The following AHDC1 variants were observed in gnomAD, a reference collection of about 807,000 sequenced individuals.
The protein encoded by AHDC1 is AT-hook DNA binding motif containing 1.
In AHDC1, 7 loss-of-function variants were observed where a neutral mutation model predicts 87.9. The observed-to-expected ratio is 0.08, with a 90% confidence interval of 0.05 to 0.15. AHDC1 has a LOEUF of 0.15. AHDC1 is among the 10% of genes least tolerant of loss of function. The pLI is 1.00. For missense variants in AHDC1, 1,841 were observed against 2,253.2 expected (o/e 0.82, Z 3.70); for synonymous variants, 1,051 against 1,006.8 (o/e 1.04, Z -0.83).
intron 3 of AHDC1, among the ~76,000 whole-genome samples, chr1:27,568,452 T>C (rs1219374834): frequency 6.6e-6 from 1 of 152,092 alleles, no homozygotes; most frequent in Non-Finnish European, 1.5e-5. Context: ...GTCGCTCGCG[T>C]GTTCAGCCTC....
chr1:27,604,213 G>GGACTTGTAGTCCCCGCCCC (rs2089622364), upstream of AHDC1: 1 of 151,354 alleles, frequency 6.6e-6, no homozygotes, highest in Non-Finnish European at 1.5e-5. Context: ...CGGCACGCCG[G>GGACTTGTAGTCCCCGCCCC]GACTTGTAGT....
intron 3 of AHDC1, among the ~76,000 whole-genome samples, chr1:27,584,802 G>A (rs990160497): frequency 1.3e-5 from 2 of 152,088 alleles, no homozygotes; most frequent in African/African-American, 2.4e-5. Context: ...TCTCCCCTTC[G>A]GCCTAGACTA....
In AHDC1 at chr1:27,550,430, C is replaced by A; in HGVS notation, c.1686G>T (p.Lys562Asn). 6.2e-7 allele frequency: 1 copy of A among 1,610,380 alleles called. No individual in the cohort carries two copies. Among genetic ancestry groups the A allele is most frequent in the South Asian group, 1.1e-5 (1 of 90,986 alleles). ...KNLLLGPGKPKEPAVVAAEAA... is the reference protein window; with the variant it reads ...KNLLLGPGKPNEPAVVAAEAA... ...CCTCGGCCGCCACCACAGCTGGCTC[C>A]TTGGGCTTGCCGGGACCCAGCAGCA... The change falls in exon 8 of 9, where the codon AAG becomes AAT. Residue 562 changes from lysine to asparagine, a missense_variant. Transcript: ENST00000673934.
At position 27,591,764 on chromosome 1, in the gene AHDC1, G is replaced by A. The variant is rs769392568; in HGVS notation, c.-629+11633C>T. On this transcript the variant is annotated intron_variant, in intron 3 of 8. Coordinates refer to ENST00000673934, the MANE Select transcript of AHDC1 (RefSeq NM_001371928.1). ...CCAGTAACTTGTTATATGAAGTCCT[G>A]TGCCTTTTCTCAGCCTCAGATTCCC... Among the ~76,000 whole-genome samples the A allele has an allele frequency of 5.3e-5, 8 of 152,210 alleles. 1 individual carries two copies. The highest frequency in any genetic ancestry group is 1.2e-4 in the Non-Finnish European group (8 of 68,028).
At chr1:27,602,619 AG>A (rs879307066) in intron 3 of AHDC1, among the ~76,000 whole-genome samples, 13 of 152,154 alleles carry the variant, frequency 8.5e-5, no homozygotes, top group Non-Finnish European at 1.9e-4. Context: ...CTCCCTGCCT[AG>A]GGGGCTGACA....
In AHDC1 at chr1:27,547,170, C is replaced by T. The variant is rs1372433383; in HGVS notation, c.*43+91G>A. The T allele has an allele frequency of 4.4e-6, 4 of 918,352 alleles. No homozygotes were observed. Among genetic ancestry groups the T allele is most frequent in the Non-Finnish European group, 6.4e-6 (4 of 625,440 alleles). 56.9% of individuals were successfully genotyped at this position (918,352 alleles called of 1,614,324 possible). A position where few individuals can be genotyped will look rare whatever the true frequency, so the allele number is the denominator to read the frequency against. ...TGCCCTTAAATCCTGCATTTGCTTC[C>T]TGCACTCCATACCTCTGTCCTTGCC... On this transcript the variant is annotated intron_variant, in intron 8 of 8. Transcript: ENST00000673934. The surrounding 1 kb of genome is among the most constrained non-coding windows in gnomAD (Gnocchi z 4.9).
chr1:27,581,528 G>A (rs2148440158), intron 3 of AHDC1, among the ~76,000 whole-genome samples: 1 of 152,026 alleles, frequency 6.6e-6, no homozygotes, highest in East Asian at 1.9e-4. Flanking sequence ...CAGATCCAAG[G>A]CCAGAACCCA....
At position 27,550,253 on chromosome 1, in the gene AHDC1, G is replaced by A; in HGVS notation, c.1863C>T (p.Phe621=). Residue 621 remains phenylalanine (F), a synonymous_variant, in exon 8 of 9, where the codon TTC becomes TTT. Transcript: ENST00000673934. The stretch of plus-strand genomic sequence containing the variant: ...CAGCGCACTGGCTCTGGCGGTTCAG[G>A]AAGGCCAGCTTGGCCAGGACGTCTG... ...EYSDVLAKLA[F]LNRQSQCAGR... is the part of the protein sequence containing the mutation. The A allele has an allele frequency of 6.2e-7, 1 of 1,613,936 alleles. No homozygotes were observed. The highest frequency in any genetic ancestry group is 1.1e-5 in the South Asian group (1 of 91,086).
intron 3 of AHDC1, among the ~76,000 whole-genome samples, chr1:27,585,182 A>G (rs1416611602): frequency 6.7e-6 from 1 of 148,812 alleles, no homozygotes; most frequent in East Asian, 2.0e-4. Flanking sequence ...GACCCTGGGA[A>G]GTCGAGGCTG....
intron 2 of AHDC1, 35 bp downstream of exon 2, chr1:27,603,693 G>A (rs2089605810): frequency 9.5e-6 from 1 of 104,734 alleles, no homozygotes; most frequent in African/African-American, 3.9e-5. Context: ...TCCCAGCCCT[G>A]GACACCCCCG....
At chr1:27,589,087 C>A (rs2089149963) in intron 3 of AHDC1, among the ~76,000 whole-genome samples, 1 of 151,798 alleles carries the variant, frequency 6.6e-6, no homozygotes, top group African/African-American at 2.4e-5. Context: ...GCCTCGACCA[C>A]AGGCCTGGTG....
intron 3 of AHDC1, among the ~76,000 whole-genome samples, chr1:27,600,092 T>C (rs1437752052): frequency 1.3e-5 from 2 of 152,046 alleles, no homozygotes; most frequent in African/African-American, 4.8e-5. Flanking sequence ...CCAGATTTTC[T>C]TGCCTGTTTT....
At position 27,539,627 on chromosome 1, in the gene AHDC1, G is replaced by A. The variant is rs1406974767; in HGVS notation, c.*44-4711C>T. ...TGCCTGGCTAATTTTTGTATTTTTAGTAGAGACAGGGTTTCACCATGTTGG... is the reference window on the plus strand; with the variant it reads ...TGCCTGGCTAATTTTTGTATTTTTAATAGAGACAGGGTTTCACCATGTTGG... On this transcript the variant is annotated intron_variant, in intron 8 of 8. Transcript: ENST00000673934. Among the ~76,000 whole-genome samples, 4 of 151,788 alleles carry A rather than the reference G, an allele frequency of 2.6e-5. No individual in the cohort carries two copies. In the South Asian group the frequency reaches 8.3e-4, roughly 32 times the overall value.
At chr1:27,570,276 GTTGCA>G in intron 3 of AHDC1, among the ~76,000 whole-genome samples, 1 of 152,076 alleles carries the variant, frequency 6.6e-6, no homozygotes, top group Non-Finnish European at 1.5e-5. Context: ...CTGGGATCAC[GTTGCA>G]AACTCCCCCT....
At chr1:27,555,927 T>C (rs890614288) in intron 5 of AHDC1, among the ~76,000 whole-genome samples, 1 of 152,152 alleles carries the variant, frequency 6.6e-6, no homozygotes, top group African/African-American at 2.4e-5. Flanking sequence ...CTCCAGGATC[T>C]GAGGGAAACA....
intron 3 of AHDC1, among the ~76,000 whole-genome samples, chr1:27,594,584 C>G (rs2089312852): frequency 1.3e-5 from 2 of 152,182 alleles, no homozygotes; most frequent in South Asian, 4.1e-4. Flanking sequence ...ACCAGATGTC[C>G]AGCCTCACTG....
chr1:27,566,721 G>GA (rs1261712616), intron 3 of AHDC1, among the ~76,000 whole-genome samples: 4 of 147,056 alleles, frequency 2.7e-5, no homozygotes. Context: ...CCAGAACTGG[G>GA]GGGGGACAGA....
At chr1:27,556,950 G>A (rs573423724) in intron 5 of AHDC1, among the ~76,000 whole-genome samples, 38 of 151,910 alleles carry the variant, frequency 2.5e-4, no homozygotes, top group Non-Finnish European at 4.3e-4. Context: ...CCCCCAAGGG[G>A]AGCTGGCCCT....
intron 8 of AHDC1, among the ~76,000 whole-genome samples, chr1:27,545,949 T>C (rs1367382112): frequency 2.0e-5 from 3 of 152,154 alleles, no homozygotes; most frequent in Admixed American, 6.5e-5. Flanking sequence ...TGCTGCCCTT[T>C]GTCACCTTCA....
Sources: gnomAD v4.1 joint callset for allele counts (sites outside exome capture counted in the v4.1 genomes callset) on GRCh38, gnomAD v4.1.1 for gene constraint, Gnocchi (gnomAD v3.1) non-coding constraint, MANE v1.5 for transcripts, NCBI Gene and HGNC (gene_info 2026-07-23, HGNC 2026-07-21) for gene names.